The following ENO4 variants were observed in gnomAD, a reference collection of about 807,000 sequenced individuals.
The protein encoded by ENO4 is 2-phospho-D-glycerate hydro-lyase.
ENO4 carries 53 observed loss-of-function variants against 63.2 expected under a neutral mutation model. The observed-to-expected ratio is 0.84, with a 90% CI of 0.67 to 1.05. The LOEUF (loss-of-function observed/expected upper bound fraction) is 1.05, where lower values mean the gene tolerates loss of function less well. ENO4 is among the 50% of genes least tolerant of loss of function. The pLI is 0.00. For missense variants in ENO4, 719 were observed against 772.0 expected (o/e 0.93, Z 0.81); for synonymous variants, 266 against 283.8 (o/e 0.94, Z 0.63).
At chr10:116,880,654 ATCCTAGGAT>A (rs1043792274) in intron 13 of ENO4, among the ~76,000 whole-genome samples, 2 of 152,212 alleles carry the variant, frequency 1.3e-5, no homozygotes, top group African/African-American at 4.8e-5. Flanking sequence ...CTTGAAATGC[ATCCTAGGAT>A]TCAGAAAATA....
intron 10 of ENO4, among the ~76,000 whole-genome samples, chr10:116,875,100 T>C (rs1846791422): frequency 6.6e-6 from 1 of 152,226 alleles, no homozygotes; most frequent in Non-Finnish European, 1.5e-5. Context: ...ATTTAAATTC[T>C]TGATTTTATA....
At chr10:116,877,734 G>C (rs181235505) in intron 11 of ENO4, among the ~76,000 whole-genome samples, 104 of 152,286 alleles carry the variant, frequency 6.8e-4, no homozygotes, top group Non-Finnish European at 1.2e-3. Context: ...TGGTGCATCT[G>C]GGATGCCAGA....
At chr10:116,898,405 A>G (rs956302134) in intron 10 of ENO4, among the ~76,000 whole-genome samples, 1 of 152,072 alleles carries the variant, frequency 6.6e-6, no homozygotes, top group Admixed American at 6.5e-5. Context: ...AGTGAATAAA[A>G]TATCTTACTA....
chr10:116,906,100 C>G (rs1473123707), intron 10 of ENO4, among the ~76,000 whole-genome samples: 2 of 152,270 alleles, frequency 1.3e-5, no homozygotes, highest in Admixed American at 1.3e-4. Flanking sequence ...TCTACTGCAA[C>G]TACTAAATGA....
intron 7 of ENO4, among the ~76,000 whole-genome samples, chr10:116,863,733 G>A (rs1846479004): frequency 6.6e-6 from 1 of 152,194 alleles, no homozygotes; most frequent in Admixed American, 6.5e-5. Flanking sequence ...ACTGCAGGCA[G>A]GGGGCACGGG....
chr10:116,853,168 G>A (rs1250270464), intron 1 of ENO4, among the ~76,000 whole-genome samples: 3 of 151,962 alleles, frequency 2.0e-5, no homozygotes, highest in Non-Finnish European at 4.4e-5. Flanking sequence ...GGTGTCGGGC[G>A]ACTGTAGTCC....
downstream of ENO4, chr10:116,886,705 C>G: frequency 8.6e-7 from 1 of 1,162,072 alleles, no homozygotes; most frequent in Non-Finnish European, 1.2e-6. Flanking sequence ...CTTTGAGATG[C>G]CAGCCATTTA....
At chr10:116,863,387 C>CACACAT (rs60175326) in intron 7 of ENO4, among the ~76,000 whole-genome samples, 6 of 151,496 alleles carry the variant, frequency 4.0e-5, no homozygotes, top group Non-Finnish European at 8.8e-5. Context: ...CACACACACA[C>CACACAT]GCACACACCT....
At chr10:116,896,323 T>G (rs1314095183) in intron 10 of ENO4, among the ~76,000 whole-genome samples, 1 of 152,208 alleles carries the variant, frequency 6.6e-6, no homozygotes, top group Non-Finnish European at 1.5e-5. Flanking sequence ...TCTTATTTAT[T>G]GCTTGACTTA....
chr10:116,874,267 T>G (rs1846772798), intron 10 of ENO4, 66 bp downstream of exon 10: 1 of 1,184,256 alleles, frequency 8.4e-7, no homozygotes, highest in Admixed American at 2.9e-5. Flanking sequence ...AGGACTCACC[T>G]TTTATATTTT....
At chr10:116,899,554 T>C (rs1388919705) in intron 10 of ENO4, among the ~76,000 whole-genome samples, 2 of 137,964 alleles carry the variant, frequency 1.4e-5, no homozygotes, top group African/African-American at 5.7e-5. Flanking sequence ...TGTGAGAGAG[T>C]GCATGCATAC....
chr10:116,853,017 C>T (rs1053662439), intron 1 of ENO4, among the ~76,000 whole-genome samples: 11 of 152,240 alleles, frequency 7.2e-5, no homozygotes, highest in Admixed American at 1.3e-4. Flanking sequence ...AGATAATGGC[C>T]GGGCGCGGTG....
At chr10:116,900,238 C>T (rs1847682531) in intron 10 of ENO4, 1 of 318,840 alleles carries the variant, frequency 3.1e-6, no homozygotes, top group African/African-American at 2.1e-5. Context: ...GTTAATACAG[C>T]AGTCCACAGT....
At chr10:116,873,639 A>C (rs896017150) in intron 9 of ENO4, among the ~76,000 whole-genome samples, 3 of 152,216 alleles carry the variant, frequency 2.0e-5, no homozygotes, top group African/African-American at 7.2e-5. Context: ...CAAGCGTTAG[A>C]GTATTTACAG....
At chr10:116,890,960 G>A (rs753606254) in intron 10 of ENO4, among the ~76,000 whole-genome samples, 2 of 152,156 alleles carry the variant, frequency 1.3e-5, no homozygotes, top group Non-Finnish European at 2.9e-5. Flanking sequence ...AACTTTCCAC[G>A]TTCCAACTAT....
intron 7 of ENO4, among the ~76,000 whole-genome samples, chr10:116,868,399 G>A (rs1846600468): frequency 6.6e-6 from 1 of 152,212 alleles, no homozygotes; most frequent in Admixed American, 6.5e-5. Context: ...CCCCATATAT[G>A]TGACTGGGGG....
At chr10:116,879,055 A>C (rs551637868) in intron 11 of ENO4, among the ~76,000 whole-genome samples, 1 of 152,270 alleles carries the variant, frequency 6.6e-6, no homozygotes, top group Admixed American at 6.5e-5. Flanking sequence ...CATGTATCTT[A>C]ATTTTAATGA....
intron 10 of ENO4, among the ~76,000 whole-genome samples, chr10:116,875,357 A>G (rs1846800377): frequency 1.3e-5 from 2 of 151,562 alleles, no homozygotes; most frequent in South Asian, 4.2e-4. Flanking sequence ...CTCTGGTCAT[A>G]CTTTTTAAGA....
At chr10:116,911,703 C>A (rs1848205230) in exon 11 of ENO4, 1 of 1,579,206 alleles carries the variant, frequency 6.3e-7, no homozygotes. Context: ...ATAAAACACA[C>A]CACAAACAAT....
Sources: gnomAD v4.1 joint callset for allele counts (sites outside exome capture counted in the v4.1 genomes callset) on GRCh38, gnomAD v4.1.1 for gene constraint, MANE v1.5 for transcripts, NCBI Gene and HGNC (gene_info 2026-07-23, HGNC 2026-07-21) for gene names.